ACTR3: variants seen among roughly 807,000 people sequenced by gnomAD.
ACTR3 encodes actin-related protein 3.
In ACTR3, 12 loss-of-function variants were observed where a neutral mutation model predicts 56.8. That is an observed-to-expected ratio of 0.21 (90% CI 0.14 to 0.34). ACTR3 has a LOEUF of 0.34. ACTR3 is among the 10% of genes least tolerant of loss of function. The pLI is 1.00. For synonymous variants in ACTR3, 162 were observed against 167.4 expected (o/e 0.97, Z 0.25); for missense variants, 282 against 512.5 (o/e 0.55, Z 4.34).
At position 113,944,611 on chromosome 2, in the gene ACTR3, AAT is replaced by A. The variant is rs1491107854; in HGVS notation, c.858+2253_858+2254del. ...AAAAAAAAAAAAAAAAAAAAAAAAA[AAT>A]TAGCTGGGCGTGGTGGTGGGCGCCT... is the stretch of plus-strand genomic sequence containing the variant. On this transcript the variant is annotated intron_variant, in intron 8 of 11. Transcript: ENST00000263238. 2.1e-5 allele frequency among the ~76,000 whole-genome samples: 3 copies of A among 144,340 alleles called. 1 individual carries two copies. Among genetic ancestry groups the A allele is most frequent in the Non-Finnish European group, 4.5e-5 (3 of 66,790 alleles). The allele number at this position is 144,340 out of a possible 152,430, so 94.7% of individuals were successfully genotyped here.
At position 113,960,608 on chromosome 2, in the gene ACTR3, A is replaced by G. The variant is rs545376322; in HGVS notation, c.*3153A>G. On this transcript the variant is annotated 3_prime_UTR_variant, in exon 12 of 12. Coordinates refer to ENST00000263238, the MANE Select transcript of ACTR3 (RefSeq NM_005721.5). The stretch of plus-strand genomic sequence containing the variant: ...AAGCTTATTTGTACCATAGTAAAGG[A>G]TGTTTTTGTTCCTCTTCATTCTGGG... 11 of 152,092 alleles carry G rather than the reference A, an allele frequency of 7.2e-5. No individual in the cohort carries two copies. The highest frequency in any genetic ancestry group is 2.6e-4 in the African/African-American group (11 of 41,540). 9.4% of individuals were successfully genotyped at this position (152,092 alleles called of 1,614,324 possible). A position where few individuals can be genotyped will look rare whatever the true frequency, so the allele number is the denominator to read the frequency against.
rs2104639901 is a variant in ACTR3, at chr2:113,962,162, A to G, written c.*4707A>G. The G allele has an allele frequency of 6.6e-6, 1 of 152,044 alleles. No individual in the cohort carries two copies. Among genetic ancestry groups the G allele is most frequent in the Non-Finnish European group, 1.5e-5 (1 of 67,882 alleles). 9.4% of individuals were successfully genotyped at this position (152,044 alleles called of 1,614,324 possible). The stretch of plus-strand genomic sequence containing the variant: ...CGAATTACGACTTTTTTTCTGTTCC[A>G]CTAGTTTCTACCTTAGAAGTGACAT... On this transcript the variant is annotated 3_prime_UTR_variant, in exon 12 of 12. Transcript: ENST00000263238.
intron 3 of ACTR3, 35 bp from the exon 4 acceptor site, chr2:113,927,310 A>G: frequency 1.5e-6 from 2 of 1,360,260 alleles, no homozygotes; most frequent in Non-Finnish European, 2.0e-6. Flanking sequence ...TATATTAATA[A>G]GATTTAATTT....
At chr2:113,907,023 A>T (rs559905362) in intron 1 of ACTR3, among the ~76,000 whole-genome samples, 7 of 152,316 alleles carry the variant, frequency 4.6e-5, no homozygotes, top group African/African-American at 1.2e-4. Flanking sequence ...GAATCTGTGG[A>T]TCGATTTGGG....
chr2:113,959,210 A>G lies in ACTR3; in HGVS notation c.*1755A>G, dbSNP rs1313436783. The G allele has an allele frequency of 6.6e-6, 1 of 152,006 alleles. No individual in the cohort carries two copies. Among genetic ancestry groups the G allele is most frequent in the Non-Finnish European group, 1.5e-5 (1 of 67,886 alleles). The allele number at this position is 152,006 out of a possible 1,614,324, so 9.4% of individuals were successfully genotyped here. On this transcript the variant is annotated 3_prime_UTR_variant, in exon 12 of 12. Coordinates refer to ENST00000263238, the MANE Select transcript of ACTR3 (RefSeq NM_005721.5). ...CTTGGAATGTCTTAGATGTCCTTGT[A>G]TTGTAATTTTCTGTGTAGGTAGAAA...
chr2:113,952,754 T>G (rs1258006469), intron 10 of ACTR3: 2 of 152,152 alleles, frequency 1.3e-5, no homozygotes, highest in East Asian at 3.9e-4. Context: ...TCTGTCCCTA[T>G]AATGTCATGA....
intron 6 of ACTR3, among the ~76,000 whole-genome samples, chr2:113,938,833 C>T (rs1414877503): frequency 6.6e-6 from 1 of 152,152 alleles, no homozygotes; most frequent in Non-Finnish European, 1.5e-5. Context: ...GCCACTTTGG[C>T]CTTTCTGACC....
intron 3 of ACTR3, among the ~76,000 whole-genome samples, chr2:113,926,267 A>G (rs1248408926): frequency 6.6e-6 from 1 of 152,252 alleles, no homozygotes; most frequent in Non-Finnish European, 1.5e-5. Context: ...ATTGAAAGGA[A>G]TATATAATAG....
At chr2:113,903,379 G>T (rs1679136047) in intron 1 of ACTR3, among the ~76,000 whole-genome samples, 1 of 151,992 alleles carries the variant, frequency 6.6e-6, no homozygotes, top group African/African-American at 2.4e-5. Flanking sequence ...TTATTTGTTT[G>T]TTTCTGAGAC....
intron 11 of ACTR3, among the ~76,000 whole-genome samples, chr2:113,956,677 A>G (rs922183985): frequency 6.6e-6 from 1 of 152,230 alleles, no homozygotes; most frequent in African/African-American, 2.4e-5. Context: ...TAACCTAGGA[A>G]GTATTGGTGC....
intron 4 of ACTR3, among the ~76,000 whole-genome samples, chr2:113,930,790 G>C (rs1240052674): frequency 6.6e-6 from 1 of 152,166 alleles, no homozygotes; most frequent in African/African-American, 2.4e-5. Flanking sequence ...CTCTTAACAG[G>C]TAAATTAATA....
chr2:113,920,081 G>A (rs1377556248), intron 3 of ACTR3, among the ~76,000 whole-genome samples: 1 of 152,110 alleles, frequency 6.6e-6, no homozygotes, highest in South Asian at 2.1e-4. Flanking sequence ...GTGCCACCAC[G>A]CCGGACTAAT....
chr2:113,933,386 G>C (rs1471554318), intron 5 of ACTR3, among the ~76,000 whole-genome samples: 1 of 152,022 alleles, frequency 6.6e-6, no homozygotes, highest in Admixed American at 6.5e-5. Flanking sequence ...GTGGGCACCT[G>C]TAATCCCAGC....
At chr2:113,920,716 T>A (rs1679491932) in intron 3 of ACTR3, among the ~76,000 whole-genome samples, 1 of 152,212 alleles carries the variant, frequency 6.6e-6, no homozygotes, top group Non-Finnish European at 1.5e-5. Context: ...TTTTTTTAGC[T>A]TTTGCACATG....
rs781403733 is a variant in ACTR3, at chr2:113,961,890, T to G, written c.*4435T>G. 3.9e-5 allele frequency: 6 copies of G among 151,988 alleles called. No individual in the cohort carries two copies. The highest frequency in any genetic ancestry group is 7.4e-5 in the Non-Finnish European group (5 of 67,884). 9.4% of individuals were successfully genotyped at this position (151,988 alleles called of 1,614,324 possible). A position where few individuals can be genotyped will look rare whatever the true frequency, so the allele number is the denominator to read the frequency against. On this transcript the variant is annotated 3_prime_UTR_variant, in exon 12 of 12. Coordinates refer to ENST00000263238, the MANE Select transcript of ACTR3 (RefSeq NM_005721.5). ...AGTGGATCTATTGTTTAAAAATTAG[T>G]ACTTTGCTCCTAAAATTTTTACCTA...
rs758065298 is a variant in ACTR3 at position 113,916,864 on chromosome 2, A to T, written c.101-20A>T. On this transcript the variant is annotated intron_variant, in intron 2 of 11. Coordinates refer to ENST00000263238, the MANE Select transcript of ACTR3 (RefSeq NM_005721.5). Reference sequence around the variant, plus strand: ...ATTTGAGGAAAATGAATTCTTTGACATGTCTAACTTATTTTAAAGGTATTG... The same window carrying T: ...ATTTGAGGAAAATGAATTCTTTGACTTGTCTAACTTATTTTAAAGGTATTG... 6.4e-7 allele frequency: 1 copy of T among 1,572,100 alleles called. No individual in the cohort carries two copies. The highest frequency in any genetic ancestry group is 1.2e-5 in the South Asian group (1 of 84,350).
At chr2:113,955,754 T>C in intron 11 of ACTR3, 48 bp downstream of exon 11, 1 of 1,469,614 alleles carries the variant, frequency 6.8e-7, no homozygotes. Context: ...ATTATTATTT[T>C]ATTTATTTTT....
At chr2:113,907,976 CAAAAAAAAAAAAA>C (rs70937249) in intron 1 of ACTR3, among the ~76,000 whole-genome samples, 14 of 69,078 alleles carry the variant, frequency 2.0e-4, no homozygotes, top group Non-Finnish European at 4.0e-4. Flanking sequence ...CTCTGTCCCC[CAAAAAAAAAAAAA>C]AAAAAAAAAA....
chr2:113,911,074 A>G (rs888156866), intron 1 of ACTR3, among the ~76,000 whole-genome samples: 1 of 152,188 alleles, frequency 6.6e-6, no homozygotes, highest in African/African-American at 2.4e-5. Flanking sequence ...GTCCACTGGT[A>G]AGGTATTAAA....
Sources: gnomAD v4.1 joint callset for allele counts (sites outside exome capture counted in the v4.1 genomes callset) on GRCh38, gnomAD v4.1.1 for gene constraint, MANE v1.5 for transcripts, NCBI Gene and HGNC (gene_info 2026-07-23, HGNC 2026-07-21) for gene names.